Variants in TTYH3 observed in about 807,000 individuals in gnomAD.
TTYH3 encodes tweety family member 3, also known as protein tweety homolog 3.
TTYH3 carries 23 observed loss-of-function variants against 68.2 expected under a neutral mutation model. That is an observed-to-expected ratio of 0.34 (90% CI 0.24 to 0.48). The LOEUF is 0.48. TTYH3 is among the 20% of genes least tolerant of loss of function. The pLI is 0.99. For missense variants in TTYH3, 768 were observed against 727.7 expected, an observed-to-expected ratio of 1.06 and a Z score of -0.64; for synonymous variants, 360 against 332.8, an observed-to-expected ratio of 1.08 and a Z score of -0.89.
In TTYH3 at chr7:2,642,238, T is replaced by A. The variant is rs185830486; in HGVS notation, c.124-4615T>A. On this transcript the variant is annotated intron_variant, in intron 1 of 13. Coordinates refer to ENST00000258796, the MANE Select transcript of TTYH3 (RefSeq NM_025250.3). Reference sequence around the variant, plus strand: ...AGCCAGACCCTGTCTTTACAAAAAATTTTTTTAAAAATTAGGGCAGAGGCC... The same window carrying A: ...AGCCAGACCCTGTCTTTACAAAAAAATTTTTTAAAAATTAGGGCAGAGGCC... Among the ~76,000 whole-genome samples the A allele has an allele frequency of 1.2e-3, 176 of 146,466 alleles. No homozygotes were observed. The East Asian group carries it at 0.025, about 21-fold the overall frequency.
At chr7:2,642,471 G>A (rs1785871902) in intron 1 of TTYH3, among the ~76,000 whole-genome samples, 1 of 151,122 alleles carries the variant, frequency 6.6e-6, no homozygotes, top group Non-Finnish European at 1.5e-5. Context: ...GAACCTGAGA[G>A]GTGGAGGTTG....
chr7:2,655,532 C>T (rs920660091), intron 9 of TTYH3, among the ~76,000 whole-genome samples: 6 of 152,238 alleles, frequency 3.9e-5, no homozygotes, highest in South Asian at 2.1e-4. Flanking sequence ...CCTGTGGAGT[C>T]GCTGTCAGCC....
intron 9 of TTYH3, among the ~76,000 whole-genome samples, chr7:2,653,964 C>T (rs887453): frequency 0.03 from 4,644 of 152,332 alleles, 241 homozygotes; most frequent in African/African-American, 0.11. Context: ...TCCCTGCCCC[C>T]ACACACACCG....
chr7:2,656,317 C>T, intron 10 of TTYH3, 81 bp from the exon 11 acceptor site: 1 of 1,574,334 alleles, frequency 6.4e-7, no homozygotes, highest in Non-Finnish European at 8.6e-7. Flanking sequence ...GTCCAGGCCG[C>T]CGTGGCTGGG....
rs1786510889 is a variant in TTYH3, at chr7:2,661,976, C to T, written c.*237C>T. The T allele has an allele frequency of 1.7e-6, 1 of 602,766 alleles. No homozygotes were observed. Among genetic ancestry groups the T allele is most frequent in the East Asian group, 2.8e-5 (1 of 36,122 alleles). 37.3% of individuals were successfully genotyped at this position (602,766 alleles called of 1,614,324 possible). ...CTGAACGCTGCTGCCAGCCGATGCC[C>T]CAGCCCTGCACGCCACCCACTATCC... On this transcript the variant is annotated 3_prime_UTR_variant, in exon 14 of 14. Coordinates refer to ENST00000258796, the MANE Select transcript of TTYH3 (RefSeq NM_025250.3).
At position 2,645,924 on chromosome 7, in the gene TTYH3, G is replaced by C. The variant is rs946526540; in HGVS notation, c.124-929G>C. On this transcript the variant is annotated intron_variant, in intron 1 of 13. Transcript: ENST00000258796. This position sits in a 1 kb window ranked among gnomAD's most constrained non-coding sequence, Gnocchi z 4.8. The stretch of plus-strand genomic sequence containing the variant: ...TGGGCCTGAGACGGGGACGGGCTCT[G>C]GGGTCCTGGGGCTGTCTCGGGCTGG... 8 of 462,126 alleles carry C rather than the reference G, an allele frequency of 1.7e-5. No homozygotes were observed. In the Admixed American group the frequency reaches 1.9e-4, roughly 11 times the overall value. 28.6% of individuals were successfully genotyped at this position (462,126 alleles called of 1,614,324 possible). A position where few individuals can be genotyped will look rare whatever the true frequency, so the allele number is the denominator to read the frequency against.
intron 13 of TTYH3, among the ~76,000 whole-genome samples, chr7:2,659,480 C>A (rs1480710029): frequency 6.6e-6 from 1 of 152,240 alleles, no homozygotes; most frequent in African/African-American, 2.4e-5. Flanking sequence ...GGGCCCCGGC[C>A]CTGCCTCCTT....
At chr7:2,660,272 C>G in intron 13 of TTYH3, 1 of 985,422 alleles carries the variant, frequency 1.0e-6, no homozygotes, top group Non-Finnish European at 1.2e-6. Flanking sequence ...CTCCCCCTGC[C>G]CAGTTGCTTG....
Position 2,647,028 on chromosome 7 carries a change from C to A in TTYH3, c.293+6C>A, listed in dbSNP as rs763675368. On this transcript the variant is annotated splice_donor_region_variant and intron_variant, in intron 2 of 13. Transcript: ENST00000258796. The stretch of plus-strand genomic sequence containing the variant: ...ATCGCCACGCTGGTGTGCAGGTGAG[C>A]GCGGTGGGGCGGGGACGGAGGGCGG... The A allele has an allele frequency of 3.6e-6, 5 of 1,390,704 alleles. No homozygotes were observed. The highest frequency in any genetic ancestry group is 3.8e-6 in the Non-Finnish European group (4 of 1,049,344). 86.1% of individuals were successfully genotyped at this position (1,390,704 alleles called of 1,614,324 possible).
rs751601312 is a variant in TTYH3, at chr7:2,647,282, G to A, written c.405+29G>A. On this transcript the variant is annotated intron_variant, in intron 3 of 13. Coordinates refer to ENST00000258796, the MANE Select transcript of TTYH3 (RefSeq NM_025250.3). ...AGTGGCCGCGGAGTTGGGGCCAGGA[G>A]CACTCTTGCTGCTCCGGAGCCCCAC... is the stretch of plus-strand genomic sequence containing the variant. 1.2e-5 allele frequency: 18 copies of A among 1,552,248 alleles called. No homozygotes were observed. The African/African-American group carries it at 1.2e-4, about 10-fold the overall frequency.
rs1785532693 is a variant in TTYH3 at position 2,632,036 on chromosome 7, G to A, written c.-120G>A. 1.1e-6 allele frequency: 1 copy of A among 934,324 alleles called. No homozygotes were observed. Among genetic ancestry groups the A allele is most frequent in the African/African-American group, 1.8e-5 (1 of 56,666 alleles). 57.9% of individuals were successfully genotyped at this position (934,324 alleles called of 1,614,324 possible). On this transcript the variant is annotated 5_prime_UTR_variant, in exon 1 of 14. Transcript: ENST00000258796. ...GCCGAGCCGGGCCGGGCCGGGCCCA[G>A]GAGCGCGCGGATGATGCGGGCGGCC...
chr7:2,646,864 C>G lies in TTYH3; in HGVS notation c.135C>G (p.Leu45=), dbSNP rs2114985033. 6.3e-7 allele frequency: 1 copy of G among 1,595,972 alleles called. No individual in the cohort carries two copies. The highest frequency in any genetic ancestry group is 8.5e-7 in the Non-Finnish European group (1 of 1,178,532). Reference sequence around the variant, plus strand: ...CTGCCTGCCCTCAGGCCCTGCTGCTCCTGGGGGCCGCCGCCCTGGCCTGCC... The same window carrying G: ...CTGCCTGCCCTCAGGCCCTGCTGCTGCTGGGGGCCGCCGCCCTGGCCTGCC... ...EDTDYQQALL[L]LGAAALACLA... is the part of the protein sequence containing the mutation. The change falls in exon 2 of 14, where the codon CTC becomes CTG. Residue 45 remains leucine (L), a synonymous_variant. Coordinates refer to ENST00000258796, the MANE Select transcript of TTYH3 (RefSeq NM_025250.3).
chr7:2,654,366 G>A (rs535414580), intron 9 of TTYH3, among the ~76,000 whole-genome samples: 2 of 152,160 alleles, frequency 1.3e-5, no homozygotes, highest in Admixed American at 1.3e-4. Context: ...GTTCACCCCA[G>A]CCTGGGCAAC....
At chr7:2,633,186 G>A (rs1033350438) in intron 1 of TTYH3, among the ~76,000 whole-genome samples, 5 of 152,194 alleles carry the variant, frequency 3.3e-5, no homozygotes, top group African/African-American at 1.2e-4. Context: ...GATTCCAGAA[G>A]CCCCGTGACC....
rs1327626258 is a variant in TTYH3 at position 2,652,217 on chromosome 7, C to G, written c.902C>G (p.Pro301Arg). The change falls in exon 8 of 14, where the codon CCC becomes CGC. Residue 301 changes from proline to arginine, a missense_variant. Transcript: ENST00000258796. ...CTGCAGTACTACCTGGCCTGCTCGC[C>G]CCGCGCCGCCAACCCCTTCCAGCAG... ...DILQYYLACS[P>R]RAANPFQQKL... 1.2e-6 allele frequency: 2 copies of G among 1,613,040 alleles called. No individual in the cohort carries two copies. The highest frequency in any genetic ancestry group is 2.7e-5 in the African/African-American group (2 of 75,060).
rs1487723912 is a variant in TTYH3, at chr7:2,645,278, G to A, written c.124-1575G>A. On this transcript the variant is annotated intron_variant, in intron 1 of 13. Coordinates refer to ENST00000258796, the MANE Select transcript of TTYH3 (RefSeq NM_025250.3). This position sits in a 1 kb window ranked among gnomAD's most constrained non-coding sequence, Gnocchi z 4.8. ...AGGGCTATGCTGAATCCAGGGACCT[G>A]GGGTTGCAGGGCCTGTGTGCTTTCT... Among the ~76,000 whole-genome samples the A allele has an allele frequency of 6.6e-6, 1 of 152,244 alleles. No homozygotes were observed. The highest frequency in any genetic ancestry group is 1.5e-5 in the Non-Finnish European group (1 of 68,032).
At chr7:2,659,083 C>T (rs1246533584) in intron 13 of TTYH3, 68 bp downstream of exon 13, 17 of 1,373,696 alleles carry the variant, frequency 1.2e-5, no homozygotes, top group African/African-American at 7.3e-5. Context: ...TCCACTGCGT[C>T]GGTGGGCTGG....
rs867553613 is a variant in TTYH3 at position 2,652,967 on chromosome 7, C to G, written c.977C>G (p.Ala326Gly). 6.3e-7 allele frequency: 1 copy of G among 1,575,910 alleles called. No individual in the cohort carries two copies. Among genetic ancestry groups the G allele is most frequent in the Non-Finnish European group, 8.6e-7 (1 of 1,161,214 alleles). Residue 326 changes from alanine (A) to glycine (G), a missense_variant, in exon 9 of 14, where the codon GCT (alanine) becomes GGT (glycine). Transcript: ENST00000258796. Reference sequence around the variant, plus strand: ...CTGGTGGAGATGCAGGATGTCGTGGCTGAGCTTCTGAGGACCGTCCCCTGG... The same window carrying G: ...CTGGTGGAGATGCAGGATGTCGTGGGTGAGCTTCTGAGGACCGTCCCCTGG... ...KALVEMQDVV[A>G]ELLRTVPWEQ...
chr7:2,635,830 C>T (rs753989606), intron 1 of TTYH3, among the ~76,000 whole-genome samples: 40 of 152,166 alleles, frequency 2.6e-4, no homozygotes, highest in Non-Finnish European at 4.4e-4. Context: ...CTGTTGAGAC[C>T]TTAATGATAA....
Sources: gnomAD v4.1 joint callset for allele counts (sites outside exome capture counted in the v4.1 genomes callset) on GRCh38, gnomAD v4.1.1 for gene constraint, Gnocchi (gnomAD v3.1) non-coding constraint, MANE v1.5 for transcripts, NCBI Gene and HGNC (gene_info 2026-07-23, HGNC 2026-07-21) for gene names.